IFRD1: variants seen among roughly 807,000 people sequenced by gnomAD.
The protein encoded by IFRD1 is interferon related developmental regulator 1.
Under a neutral mutation model 52.9 loss-of-function variants are expected in IFRD1, and 35 were observed. The ratio of observed to expected loss-of-function variants is 0.66; its 90% CI spans 0.51 to 0.88. IFRD1 has a LOEUF of 0.88. Ranked by LOEUF, IFRD1 falls within the 40% of genes least tolerant of loss-of-function variation. IFRD1 has a pLI of 0.00. For missense variants in IFRD1, 517 were observed against 550.8 expected (o/e 0.94, Z 0.61); for synonymous variants, 184 against 188.4 (o/e 0.98, Z 0.19).
At chr7:112,450,851 C>A in intron 1 of IFRD1, 69 bp downstream of exon 1, 2 of 1,075,516 alleles carry the variant, frequency 1.9e-6, no homozygotes, top group Non-Finnish European at 2.9e-6. Context: ...TGCTTCGGCA[C>A]GGTGGGAGTT....
intron 1 of IFRD1, among the ~76,000 whole-genome samples, chr7:112,439,077 A>G (rs1188902629): frequency 1.3e-5 from 2 of 152,236 alleles, no homozygotes; most frequent in African/African-American, 4.8e-5. Flanking sequence ...TGGGTAAAGA[A>G]CAAGAGAGTG....
chr7:112,451,993 A>G (rs2117282352), intron 1 of IFRD1: 2 of 983,416 alleles, frequency 2.0e-6, no homozygotes, highest in Middle Eastern at 5.2e-4. Flanking sequence ...TAAACATTTA[A>G]TAATTGACCA....
chr7:112,466,411 A>G (rs1241114516), intron 8 of IFRD1, among the ~76,000 whole-genome samples: 3 of 152,278 alleles, frequency 2.0e-5, no homozygotes, highest in South Asian at 2.1e-4. Context: ...AAGTTTTTCA[A>G]TCTCAGCACG....
intron 5 of IFRD1, among the ~76,000 whole-genome samples, chr7:112,459,769 C>A (rs905823315): frequency 6.6e-6 from 1 of 152,168 alleles, no homozygotes; most frequent in Admixed American, 6.5e-5. Flanking sequence ...TAGGTTCTCT[C>A]GATATGGCAG....
intron 1 of IFRD1, among the ~76,000 whole-genome samples, chr7:112,425,881 T>C (rs1321912340): frequency 6.6e-6 from 1 of 152,250 alleles, no homozygotes; most frequent in African/African-American, 2.4e-5. Flanking sequence ...TTTACTGTTA[T>C]ATCTGAATAA....
In IFRD1 at chr7:112,462,323, T is replaced by C. The variant is rs941616258; in HGVS notation, c.851T>C (p.Ile284Thr). ...LLSCDDVNMR[I>T]AAGESLALLF... ...TCTTGTGATGATGTAAACATGAGAA[T>C]AGCTGCTGGTGAATCTTTGGCACTT... Residue 284 changes from isoleucine to threonine, a missense_variant, in exon 8 of 12, where the codon ATA becomes ACA. By Grantham distance (89) the Ile-to-Thr change is moderately conservative. Coordinates refer to ENST00000403825, the MANE Select transcript of IFRD1 (RefSeq NM_001550.4). 6.2e-7 allele frequency: 1 copy of C among 1,613,794 alleles called. No homozygotes were observed. The highest frequency in any genetic ancestry group is 8.5e-7 in the Non-Finnish European group (1 of 1,179,776).
chr7:112,452,213 G>A (rs1795184334), intron 1 of IFRD1: 1 of 683,232 alleles, frequency 1.5e-6, no homozygotes, highest in Non-Finnish European at 1.8e-6. Flanking sequence ...AGGCTGGAGT[G>A]CGGTGTGGTG....
chr7:112,427,545 T>C (rs1008557470), intron 1 of IFRD1, among the ~76,000 whole-genome samples: 8 of 152,212 alleles, frequency 5.3e-5, no homozygotes, highest in Non-Finnish European at 1.0e-4. Context: ...CTTTCATTTT[T>C]AAAAAGGAAT....
chr7:112,443,444 C>T (rs114150310), intron 1 of IFRD1, among the ~76,000 whole-genome samples: 1,880 of 151,558 alleles, frequency 0.012, 43 homozygotes, highest in African/African-American at 0.043. Flanking sequence ...GGGATACATG[C>T]GTCTGTATCC....
chr7:112,463,889 CACACA>C (rs1310007063), intron 8 of IFRD1, among the ~76,000 whole-genome samples: 292 of 14,902 alleles, frequency 0.02, 5 homozygotes, highest in African/African-American at 0.074. Context: ...CACACACACA[CACACA>C]CCCCACGTAT....
At position 112,443,593 on chromosome 7, in the gene IFRD1, C is replaced by T. The variant is rs148801526; in HGVS notation, c.-181-6915C>T. Among the ~76,000 whole-genome samples, 921 of 138,264 alleles carry T rather than the reference C, an allele frequency of 6.7e-3. 11 individuals carry two copies. The highest frequency in any genetic ancestry group is 0.023 in the African/African-American group (857 of 36,686). 90.7% of individuals were successfully genotyped at this position (138,264 alleles called of 152,430 possible). A position where few individuals can be genotyped will look rare whatever the true frequency, so the allele number is the denominator to read the frequency against. The stretch of plus-strand genomic sequence containing the variant: ...TCAAAAAAAGCCCCCCAAAAACGGC[C>T]GAGTGTGGTGGCTCATGCCTGTAAT... On this transcript the variant is annotated intron_variant, in intron 1 of 12. Transcript: ENST00000005558.
At chr7:112,470,209 T>G (rs1209483658) in intron 9 of IFRD1, among the ~76,000 whole-genome samples, 1 of 152,222 alleles carries the variant, frequency 6.6e-6, no homozygotes, top group Non-Finnish European at 1.5e-5. Flanking sequence ...ATAGTCTCCT[T>G]CTAAAGGAGA....
At position 112,456,980 on chromosome 7, in the gene IFRD1, A is replaced by G. The variant is rs148147163; in HGVS notation, c.351A>G (p.Glu117=). 20 of 1,613,838 alleles carry G rather than the reference A, an allele frequency of 1.2e-5. No individual in the cohort carries two copies. In the African/African-American group the frequency reaches 2.4e-4, roughly 19 times the overall value. Residue 117 remains glutamate, a synonymous_variant, in exon 4 of 12, where the codon GAA becomes GAG. Transcript: ENST00000403825. The part of the protein sequence containing the change: ...KNALASKMLY[E]FILERRMTLT... ...CACTGGCTTCAAAAATGCTGTATGA[A>G]TTTATTCTGGAAAGGAGAATGACTT...
At chr7:112,441,367 G>T (rs776957178) in intron 1 of IFRD1, among the ~76,000 whole-genome samples, 36 of 151,984 alleles carry the variant, frequency 2.4e-4, no homozygotes, top group Non-Finnish European at 2.2e-4. Flanking sequence ...GTGGTGGGAG[G>T]GTTACCTGAC....
chr7:112,432,014 A>T (rs1326319990), intron 1 of IFRD1, among the ~76,000 whole-genome samples: 1 of 152,238 alleles, frequency 6.6e-6, no homozygotes, highest in African/African-American at 2.4e-5. Flanking sequence ...GGCGGTATGA[A>T]CACAATTTAA....
chr7:112,442,260 T>A (rs1471942586), intron 1 of IFRD1, among the ~76,000 whole-genome samples: 1 of 152,222 alleles, frequency 6.6e-6, no homozygotes, highest in African/African-American at 2.4e-5. Context: ...TTTCTCCTGT[T>A]AACCACTTTA....
rs1200013570 is a variant in IFRD1 at position 112,456,234 on chromosome 7, C to A, written c.284+148C>A. 3 of 703,304 alleles carry A rather than the reference C, an allele frequency of 4.3e-6. No homozygotes were observed. The African/African-American group carries it at 5.3e-5, about 12-fold the overall frequency. The allele number at this position is 703,304 out of a possible 1,614,324, so 43.6% of individuals were successfully genotyped here. A position where few individuals can be genotyped will look rare whatever the true frequency, so the allele number is the denominator to read the frequency against. On this transcript the variant is annotated intron_variant, in intron 3 of 11. Coordinates refer to ENST00000403825, the MANE Select transcript of IFRD1 (RefSeq NM_001550.4). ...TCTCAGATAATAGCAATATATTTTTCCTAAAGGTTAATTTGTTTACTTTGG... is the reference window on the plus strand; with the variant it reads ...TCTCAGATAATAGCAATATATTTTTACTAAAGGTTAATTTGTTTACTTTGG...
intron 1 of IFRD1, among the ~76,000 whole-genome samples, chr7:112,439,430 A>T (rs1350607541): frequency 1.3e-5 from 2 of 152,226 alleles, no homozygotes; most frequent in East Asian, 3.8e-4. Context: ...ATCAGTTGAG[A>T]TGCTTTCAGC....
In IFRD1 at chr7:112,477,160, TATAAA is replaced by T. The variant is rs1195227691; in HGVS notation, c.*1642_*1646del. ...ATGCATATATGTATGTACATGTAATTATAAATAAATAATGAATTTTTATTAAAGTG... is the reference window on the plus strand; with the variant it reads ...ATGCATATATGTATGTACATGTAATTTAAATAATGAATTTTTATTAAAGTG... On this transcript the variant is annotated 3_prime_UTR_variant, in exon 12 of 12. Transcript: ENST00000403825. 2.0e-5 allele frequency: 3 copies of T among 152,238 alleles called. No homozygotes were observed. Among genetic ancestry groups the T allele is most frequent in the Non-Finnish European group, 4.4e-5 (3 of 68,052 alleles). 9.4% of individuals were successfully genotyped at this position (152,238 alleles called of 1,614,324 possible).
Sources: allele counts gnomAD v4.1 joint callset (sites outside exome capture counted in the v4.1 genomes callset), GRCh38; gene constraint gnomAD v4.1.1; transcripts MANE v1.5; gene names NCBI Gene and HGNC (gene_info 2026-07-23, HGNC 2026-07-21).